The following KIF18B variants were observed in gnomAD, a reference collection of about 807,000 sequenced individuals.
KIF18B encodes the protein kinesin-like protein KIF18B.
In KIF18B, 49 loss-of-function variants were observed where a neutral mutation model predicts 80.9. That is an observed-to-expected ratio of 0.61 (90% CI 0.48 to 0.77). The LOEUF is 0.77. KIF18B is among the 30% of genes least tolerant of loss of function. The pLI, the probability that KIF18B is intolerant of heterozygous loss-of-function variation, is 0.00. For missense variants in KIF18B, 994 were observed against 1,127.7 expected, an observed-to-expected ratio of 0.88 and a Z score of 1.70; for synonymous variants, 439 against 463.9, an observed-to-expected ratio of 0.95 and a Z score of 0.69.
In KIF18B at chr17:44,934,259, C is replaced by T. The variant is rs1385888241; in HGVS notation, c.859G>A (p.Val287Ile). 1.2e-6 allele frequency: 2 copies of T among 1,612,578 alleles called. No homozygotes were observed. Among genetic ancestry groups the T allele is most frequent in the Non-Finnish European group, 1.7e-6 (2 of 1,179,538 alleles). Reference protein sequence around the residue: ...INRSLLALINVLNALADAKGR... With the variant: ...INRSLLALINILNALADAKGR... ...TTTGCATCGGCCAAGGCATTGAGGA[C>T]GTTGATGAGCGCCAGCAGAGAGCGG... Residue 287 changes from valine to isoleucine, a missense_variant, in exon 6 of 16, where the codon GTC becomes ATC. Physicochemically the swap from Val to Ile is conservative, Grantham distance 29. Coordinates refer to ENST00000593135, the MANE Select transcript of KIF18B (RefSeq NM_001265577.2). The surrounding 1 kb of genome is among the most constrained non-coding windows in gnomAD (Gnocchi z 5.4).
chr17:44,935,553 C>T (rs1338188822), intron 2 of KIF18B, 137 bp from the exon 3 acceptor site: 2 of 904,584 alleles, frequency 2.2e-6, no homozygotes, highest in Non-Finnish European at 3.3e-6. Flanking sequence ...CCTCCATGTT[C>T]CCGCTGCAGG....
At chr17:44,926,608 G>A in intron 14 of KIF18B, 109 bp from the exon 15 acceptor site, 1 of 1,112,984 alleles carries the variant, frequency 9.0e-7, no homozygotes, top group Non-Finnish European at 1.2e-6. Flanking sequence ...TGAGAGCAAA[G>A]GCTGCTGGGC....
In KIF18B at chr17:44,935,331, G is replaced by A. The variant is rs908824350; in HGVS notation, c.399C>T (p.Thr133=). 19 of 1,613,170 alleles carry A rather than the reference G, an allele frequency of 1.2e-5. No individual in the cohort carries two copies. Among genetic ancestry groups the A allele is most frequent in the Admixed American group, 1.7e-5 (1 of 59,926 alleles). Residue 133 remains threonine, a synonymous_variant, in exon 3 of 16, where the codon ACC becomes ACT. Transcript: ENST00000593135. ...EGDPGIMYLT[T]VELYRRLEAR... is the part of the protein sequence containing the mutation. ...CCTCCAGGCGCCTGTACAGTTCCAC[G>A]GTGGTCAGGTACATGATGCCGGGGT...
rs754303624 is a variant in KIF18B at position 44,932,767 on chromosome 17, C to A, written c.1144G>T (p.Ala382Ser). Residue 382 changes from alanine to serine, a missense_variant, in exon 9 of 16, where the codon GCT becomes TCT. Physicochemically the swap from Ala to Ser is moderately conservative, Grantham distance 99 (BLOSUM62 1). Coordinates refer to ENST00000593135, the MANE Select transcript of KIF18B (RefSeq NM_001265577.2). ...TACACTTGGAGCTTCTTCCTCAGAG[C>A]GGCTACCTGGAACAGAAGCAGCCCA... ...ICQQLQAEVA[A>S]LRKKLQVYEG... 4.8e-5 allele frequency: 78 copies of A among 1,612,590 alleles called. No individual in the cohort carries two copies. Among genetic ancestry groups the A allele is most frequent in the Non-Finnish European group, 6.4e-5 (75 of 1,179,308 alleles).
chr17:44,940,859 A>C (rs1470133940), intron 1 of KIF18B, among the ~76,000 whole-genome samples: 1 of 152,190 alleles, frequency 6.6e-6, no homozygotes, highest in African/African-American at 2.4e-5. Flanking sequence ...TAAACTTCTT[A>C]ACTTCGTCCC....
At chr17:44,938,378 T>G (rs1567797473) in intron 1 of KIF18B, among the ~76,000 whole-genome samples, 1 of 152,212 alleles carries the variant, frequency 6.6e-6, no homozygotes, top group Admixed American at 6.5e-5. Flanking sequence ...TTATTAGATA[T>G]TATTCCTGAT....
In KIF18B at chr17:44,926,533, C is replaced by T. The variant is rs370083146; in HGVS notation, c.2367-34G>A. 877 of 1,543,508 alleles carry T rather than the reference C, an allele frequency of 5.7e-4. 1 individual carries two copies. Among genetic ancestry groups the T allele is most frequent in the Non-Finnish European group, 4.8e-4 (549 of 1,146,752 alleles). ...GGAAAGGAGGGAAGGTGGAAGGTTA[C>T]GGCCCTGTCTCTGGACTATGGGTGT... On this transcript the variant is annotated intron_variant, in intron 14 of 15. Coordinates refer to ENST00000593135, the MANE Select transcript of KIF18B (RefSeq NM_001265577.2).
chr17:44,928,604 A>G, intron 12 of KIF18B, 26 bp from the exon 13 acceptor site: 1 of 1,444,752 alleles, frequency 6.9e-7, no homozygotes, highest in Non-Finnish European at 9.0e-7. Flanking sequence ...GAGAGTTTGT[A>G]GAACTTGGGG....
chr17:44,934,454 G>C lies in KIF18B; in HGVS notation c.688-24C>G. On this transcript the variant is annotated intron_variant, in intron 5 of 15. Transcript: ENST00000593135. This position sits in a 1 kb window ranked among gnomAD's most constrained non-coding sequence, Gnocchi z 5.4. Reference sequence around the variant, plus strand: ...ATCTGAAGGCAGATGGCAGGGGTGAGGGGGAGATGGGCATCAGGGGCACTG... The same window carrying C: ...ATCTGAAGGCAGATGGCAGGGGTGACGGGGAGATGGGCATCAGGGGCACTG... The C allele has an allele frequency of 6.2e-7, 1 of 1,603,492 alleles. No individual in the cohort carries two copies. The highest frequency in any genetic ancestry group is 1.1e-5 in the South Asian group (1 of 89,748).
chr17:44,938,015 C>G (rs1222743559), intron 1 of KIF18B, among the ~76,000 whole-genome samples: 2 of 130,912 alleles, frequency 1.5e-5, no homozygotes, highest in Non-Finnish European at 3.3e-5. Flanking sequence ...CACACACACA[C>G]ACATATATAT....
At chr17:44,931,137 A>G (rs2052136984) in intron 11 of KIF18B, among the ~76,000 whole-genome samples, 1 of 152,150 alleles carries the variant, frequency 6.6e-6, no homozygotes, top group Admixed American at 6.5e-5. Context: ...TTTGGCTTTG[A>G]TTAGTGGTTT....
chr17:44,938,922 T>C (rs1346554881), intron 1 of KIF18B, among the ~76,000 whole-genome samples: 1 of 152,076 alleles, frequency 6.6e-6, no homozygotes, highest in Non-Finnish European at 1.5e-5. Flanking sequence ...CACGTGCCTG[T>C]AGTCCCAGCT....
At position 44,934,865 on chromosome 17, in the gene KIF18B, T is replaced by C; in HGVS notation, c.542A>G (p.Lys181Arg). The change falls in exon 4 of 16, where the codon AAG (lysine) becomes AGG (arginine). Residue 181 changes from lysine (K) to arginine (R), a missense_variant. Lys to Arg is a conservative substitution (Grantham distance 26). Transcript: ENST00000593135. This position sits in a 1 kb window ranked among gnomAD's most constrained non-coding sequence, Gnocchi z 5.4. ...AGAAAGTCCTTGCACCACCACCCCC[T>C]TGTCGGGGTCCTCGCGGATGGCAAG... ...GPLAIREDPD[K>R]GVVVQGLSFH... is the part of the protein sequence containing the mutation. The C allele has an allele frequency of 3.2e-6, 5 of 1,550,658 alleles. No homozygotes were observed. Among genetic ancestry groups the C allele is most frequent in the Non-Finnish European group, 4.4e-6 (5 of 1,146,068 alleles).
Position 44,947,762 on chromosome 17 carries a change from T to G in KIF18B, c.-149A>C, listed in dbSNP as rs1567804015. Reference sequence around the variant, plus strand: ...CCGCGCCAACCTCCACCCGGCGCCTTGCGTTCAAATTAGCCGGGCGGGCCG... The same window carrying G: ...CCGCGCCAACCTCCACCCGGCGCCTGGCGTTCAAATTAGCCGGGCGGGCCG... On this transcript the variant is annotated 5_prime_UTR_variant, in exon 1 of 16. Transcript: ENST00000593135. The G allele has an allele frequency of 2.6e-5, 4 of 152,256 alleles. No homozygotes were observed. The highest frequency in any genetic ancestry group is 6.5e-5 in the Admixed American group (1 of 15,286). The allele number at this position is 152,256 out of a possible 1,614,324, so 9.4% of individuals were successfully genotyped here.
chr17:44,940,387 C>T (rs2052392451), intron 1 of KIF18B, among the ~76,000 whole-genome samples: 1 of 152,196 alleles, frequency 6.6e-6, no homozygotes, highest in Admixed American at 6.5e-5. Context: ...ACACATATTT[C>T]TCCTTTAATC....
chr17:44,935,562 G>T, intron 2 of KIF18B, 146 bp from the exon 3 acceptor site: 1 of 851,144 alleles, frequency 1.2e-6, no homozygotes, highest in Non-Finnish European at 1.8e-6. Context: ...TCCCGCTGCA[G>T]GGCTGGAGTT....
In KIF18B at chr17:44,928,527, A is replaced by G; in HGVS notation, c.1775T>C (p.Val592Ala). The G allele has an allele frequency of 6.8e-7, 1 of 1,475,930 alleles. No individual in the cohort carries two copies. The highest frequency in any genetic ancestry group is 8.9e-7 in the Non-Finnish European group (1 of 1,119,030). 91.4% of individuals were successfully genotyped at this position (1,475,930 alleles called of 1,614,324 possible). Residue 592 changes from valine (V) to alanine (A), a missense_variant, in exon 13 of 16, where the codon GTG (valine) becomes GCG (alanine). Physicochemically the swap from Val to Ala is moderately conservative, Grantham distance 64 (BLOSUM62 0). Transcript: ENST00000593135. ...CAGTCGCCTCGCCATAGTCCGGGTC[A>G]CAGGGCCAGTGTATCCTGGAGGCTC... ...CPEPPGYTGP[V>A]TRTMARRLSG...
At chr17:44,942,983 G>T (rs1403461594) in intron 1 of KIF18B, among the ~76,000 whole-genome samples, 1 of 152,188 alleles carries the variant, frequency 6.6e-6, no homozygotes, top group African/African-American at 2.4e-5. Flanking sequence ...GTTCTGCCCT[G>T]CAATTGGGCT....
In KIF18B at chr17:44,933,789, A is replaced by G. The variant is rs114431092; in HGVS notation, c.1062+134T>C. ...ATTACAGGCATGAGCCACCATGTCCAGGCCAGAGGAACTTCCTTCCTCTGC... is the reference window on the plus strand; with the variant it reads ...ATTACAGGCATGAGCCACCATGTCCGGGCCAGAGGAACTTCCTTCCTCTGC... On this transcript the variant is annotated intron_variant, in intron 7 of 15. Coordinates refer to ENST00000593135, the MANE Select transcript of KIF18B (RefSeq NM_001265577.2). 9.3e-3 allele frequency: 8,116 copies of G among 868,474 alleles called. 476 individuals carry two copies. In the African/African-American group the frequency reaches 0.12, roughly 13 times the overall value. The allele number at this position is 868,474 out of a possible 1,614,324, so 53.8% of individuals were successfully genotyped here.
Sources: allele counts gnomAD v4.1 joint callset (sites outside exome capture counted in the v4.1 genomes callset), GRCh38; gene constraint gnomAD v4.1.1; non-coding constraint Gnocchi (gnomAD v3.1); transcripts MANE v1.5; gene names NCBI Gene and HGNC (gene_info 2026-07-23, HGNC 2026-07-21).